Variants in CFAP299 observed in about 807,000 individuals in gnomAD.
The protein encoded by CFAP299 is cilia and flagella associated protein 299, also known as cilia- and flagella-associated protein 299.
A neutral mutation model predicts 27.0 loss-of-function variants in CFAP299; 21 were observed. The ratio of observed to expected loss-of-function variants is 0.78; its 90% CI spans 0.55 to 1.12. CFAP299 has a LOEUF of 1.12. Among genes scored for constraint, CFAP299 ranks in the 50% most tolerant of loss-of-function variants. The pLI, the probability that CFAP299 is intolerant of heterozygous loss-of-function variation, is 0.00. For missense variants in CFAP299, 310 were observed against 276.6 expected (o/e 1.12, Z -0.86); for synonymous variants, 104 against 98.1 (o/e 1.06, Z -0.36).
intron 3 of CFAP299, among the ~76,000 whole-genome samples, chr4:80,621,806 AAG>A (rs1349758123): frequency 3.3e-5 from 5 of 152,302 alleles, no homozygotes; most frequent in African/African-American, 1.2e-4. Context: ...TTCAGAAAGA[AAG>A]ATATTTGTCC....
chr4:80,838,571 A>G (rs1578170649), intron 3 of CFAP299, among the ~76,000 whole-genome samples: 2 of 151,922 alleles, frequency 1.3e-5, no homozygotes, highest in South Asian at 2.1e-4. Context: ...TTAGATGGTT[A>G]TAGTTGTGTG....
intron 3 of CFAP299, among the ~76,000 whole-genome samples, chr4:80,693,842 T>C (rs1427418113): frequency 6.9e-6 from 1 of 144,592 alleles, no homozygotes; most frequent in African/African-American, 2.5e-5. Flanking sequence ...CATCTGTTAA[T>C]AAAAAAAAAA....
chr4:80,924,542 A>AC (rs1560478932), intron 4 of CFAP299, among the ~76,000 whole-genome samples: 3 of 131,478 alleles, frequency 2.3e-5, no homozygotes, highest in African/African-American at 9.5e-5. Context: ...GTGTGTGTAT[A>AC]TATATATATA....
chr4:80,457,470 T>C (rs1227988821), intron 2 of CFAP299, among the ~76,000 whole-genome samples: 2 of 152,166 alleles, frequency 1.3e-5, no homozygotes, highest in African/African-American at 4.8e-5. Flanking sequence ...CCCATGTGAA[T>C]GGAGGCAAGA....
chr4:80,432,488 G>C (rs1319570487), intron 2 of CFAP299, among the ~76,000 whole-genome samples: 1 of 148,006 alleles, frequency 6.8e-6, no homozygotes, highest in Non-Finnish European at 1.5e-5. Context: ...CTAAAAGACA[G>C]TCTTTTTAGC....
intron 2 of CFAP299, among the ~76,000 whole-genome samples, chr4:80,558,354 G>GTTTTTTTTTTTTTT (rs1159652533): frequency 3.2e-5 from 4 of 126,442 alleles, no homozygotes; most frequent in African/African-American, 6.6e-5. Flanking sequence ...TTGTTTGTTT[G>GTTTTTTTTTTTTTT]TTTGTTTGTT....
chr4:80,906,797 C>G (rs1022745812), intron 4 of CFAP299, among the ~76,000 whole-genome samples: 4 of 152,104 alleles, frequency 2.6e-5, no homozygotes, highest in African/African-American at 9.7e-5. Context: ...GAACAGGGGA[C>G]CCTGGGCCTT....
intron 4 of CFAP299, among the ~76,000 whole-genome samples, chr4:80,891,486 T>A (rs868006573): frequency 6.9e-6 from 1 of 145,524 alleles, no homozygotes; most frequent in Non-Finnish European, 1.5e-5. Context: ...GAAATTGGAA[T>A]CCATCATTCT....
rs569668457 is a variant in CFAP299 at position 80,831,518 on chromosome 4, G to A, written c.334-38475G>A. 1.2e-3 allele frequency among the ~76,000 whole-genome samples: 185 copies of A among 152,134 alleles called. 1 individual carries two copies. Among genetic ancestry groups the A allele is most frequent in the African/African-American group, 4.1e-3 (171 of 41,542 alleles). ...TATGGCAGTGTTTCTCACAATAGGA[G>A]GGTAGAACTAGCTGCTGGCATGCGG... On this transcript the variant is annotated intron_variant, in intron 3 of 5. Coordinates refer to ENST00000358105, the MANE Select transcript of CFAP299 (RefSeq NM_152770.3).
At chr4:80,408,557 C>T (rs1207000323) in intron 2 of CFAP299, among the ~76,000 whole-genome samples, 1 of 151,220 alleles carries the variant, frequency 6.6e-6, no homozygotes, top group Admixed American at 6.6e-5. Flanking sequence ...TAGTTTCTCC[C>T]AGTTGGTAAT....
At position 80,860,802 on chromosome 4, in the gene CFAP299, G is replaced by A. The variant is rs552212795; in HGVS notation, c.334-9191G>A. ...TCAGAGGAGTACCTGGCCGTGTGAGGTGTCAGTCTGCCCCTACTGGGGGGT... is the reference window on the plus strand; with the variant it reads ...TCAGAGGAGTACCTGGCCGTGTGAGATGTCAGTCTGCCCCTACTGGGGGGT... On this transcript the variant is annotated intron_variant, in intron 3 of 5. Coordinates refer to ENST00000358105, the MANE Select transcript of CFAP299 (RefSeq NM_152770.3). 1.1e-4 allele frequency among the ~76,000 whole-genome samples: 16 copies of A among 152,286 alleles called. No homozygotes were observed. The East Asian group carries it at 3.1e-3, about 29-fold the overall frequency.
intron 3 of CFAP299, among the ~76,000 whole-genome samples, chr4:80,808,644 A>G (rs569412838): frequency 6.6e-6 from 1 of 152,254 alleles, no homozygotes; most frequent in East Asian, 1.9e-4. Context: ...TTTTCATAAA[A>G]TAGGCATTTC....
chr4:80,799,859 ATATATTATATATATTATAT>A (rs1289747823), intron 3 of CFAP299, among the ~76,000 whole-genome samples: 1 of 30,308 alleles, frequency 3.3e-5, no homozygotes, highest in Non-Finnish European at 4.9e-5. Flanking sequence ...ATATATAAAT[ATATATTATATATATTATAT>A]TATATAATAT....
chr4:80,530,765 G>C (rs1733424526), intron 2 of CFAP299, among the ~76,000 whole-genome samples: 1 of 152,166 alleles, frequency 6.6e-6, no homozygotes, highest in African/African-American at 2.4e-5. Context: ...AGAGATGAAA[G>C]GGAAGTGAAG....
At chr4:80,599,994 A>T (rs1013388112) in intron 3 of CFAP299, among the ~76,000 whole-genome samples, 1 of 152,106 alleles carries the variant, frequency 6.6e-6, no homozygotes, top group Non-Finnish European at 1.5e-5. Context: ...TTAGTAATTC[A>T]TGCATAATAA....
Position 80,347,736 on chromosome 4 carries a change from C to A in CFAP299, c.111+11857C>A, listed in dbSNP as rs145554896. Among the ~76,000 whole-genome samples, 950 of 152,178 alleles carry A rather than the reference C, an allele frequency of 6.2e-3. 2 individuals carry two copies. Among genetic ancestry groups the A allele is most frequent in the Middle Eastern group, 0.024 (7 of 292 alleles). Reference sequence around the variant, plus strand: ...GTAATTTATAGATACAATGCTATTCCCATTAAGCTACCATTGACATTCTTC... The same window carrying A: ...GTAATTTATAGATACAATGCTATTCACATTAAGCTACCATTGACATTCTTC... On this transcript the variant is annotated intron_variant, in intron 1 of 5. Transcript: ENST00000358105.
chr4:80,569,701 A>G (rs146259872), intron 2 of CFAP299, among the ~76,000 whole-genome samples: 47 of 152,108 alleles, frequency 3.1e-4, no homozygotes, highest in Admixed American at 3.9e-4. Flanking sequence ...TGAAAGAAAA[A>G]ACTTTCCACA....
intron 2 of CFAP299, among the ~76,000 whole-genome samples, chr4:80,447,190 C>T (rs1203431507): frequency 1.7e-5 from 2 of 120,832 alleles, no homozygotes; most frequent in African/African-American, 3.4e-5. Flanking sequence ...GGCTGGAGTG[C>T]AGTGGCGGGA....
chr4:80,384,618 G>A (rs984235449), intron 2 of CFAP299, among the ~76,000 whole-genome samples: 2 of 152,120 alleles, frequency 1.3e-5, no homozygotes, highest in African/African-American at 2.4e-5. Flanking sequence ...TTTAATGATC[G>A]AGTAGGACAA....
Sources: gnomAD v4.1 joint callset for allele counts (sites outside exome capture counted in the v4.1 genomes callset) on GRCh38, gnomAD v4.1.1 for gene constraint, MANE v1.5 for transcripts, NCBI Gene and HGNC (gene_info 2026-07-23, HGNC 2026-07-21) for gene names.